The following CASR variants were observed in gnomAD, a reference collection of about 807,000 sequenced individuals.
CASR encodes calcium sensing receptor.
Under a neutral mutation model 69.1 loss-of-function variants are expected in CASR, and 23 were observed. The ratio of observed to expected loss-of-function variants is 0.33; its 90% CI spans 0.24 to 0.47. CASR has a LOEUF of 0.47. Among genes scored for constraint, CASR ranks in the 20% least tolerant of loss-of-function variants. CASR has a pLI of 1.00. For missense variants in CASR, 924 were observed against 1,356.1 expected (o/e 0.68, Z 5.00); for synonymous variants, 541 against 544.7 (o/e 0.99, Z 0.10).
intron 1 of CASR, among the ~76,000 whole-genome samples, chr3:122,185,066 A>G (rs2073764932): frequency 6.6e-6 from 1 of 151,978 alleles, no homozygotes; most frequent in Admixed American, 6.6e-5. Flanking sequence ...ACCAGCCTCC[A>G]TGTGTATTTC....
At chr3:122,252,427 A>AAGAAAGAAAGAC (rs2074503155) in intron 1 of CASR, among the ~76,000 whole-genome samples, 1 of 96,054 alleles carries the variant, frequency 1.0e-5, no homozygotes, top group African/African-American at 4.3e-5. Flanking sequence ...GAAAGAAAGA[A>AAGAAAGAAAGAC]AGAAAGAAAG....
At chr3:122,279,882 T>A (rs1023918383) in intron 5 of CASR, among the ~76,000 whole-genome samples, 1 of 152,186 alleles carries the variant, frequency 6.6e-6, no homozygotes, top group African/African-American at 2.4e-5. Context: ...GGTAGTTTGC[T>A]GCACCTGTCA....
At chr3:122,282,817 C>A (rs1355069160) in intron 6 of CASR, among the ~76,000 whole-genome samples, 1 of 152,164 alleles carries the variant, frequency 6.6e-6, no homozygotes, top group African/African-American at 2.4e-5. Context: ...TATCCTCACC[C>A]CAGTGATGGG....
At chr3:122,270,990 A>G (rs1017714762) in intron 4 of CASR, among the ~76,000 whole-genome samples, 7 of 152,178 alleles carry the variant, frequency 4.6e-5, no homozygotes, top group African/African-American at 1.7e-4. Flanking sequence ...TGTTCTGTAA[A>G]TATCAATTAG....
chr3:122,271,905 A>T (rs1183423852), intron 4 of CASR, among the ~76,000 whole-genome samples: 2 of 152,194 alleles, frequency 1.3e-5, no homozygotes, highest in African/African-American at 4.8e-5. Context: ...AACATGTATC[A>T]GTACTTCATT....
chr3:122,232,148 C>CT (rs1005362552), intron 1 of CASR, among the ~76,000 whole-genome samples: 113 of 152,130 alleles, frequency 7.4e-4, no homozygotes, highest in African/African-American at 2.5e-3. Flanking sequence ...TTCACAATCC[C>CT]TTTTTTTTAT....
intron 1 of CASR, among the ~76,000 whole-genome samples, chr3:122,218,132 G>A (rs765461540): frequency 3.3e-5 from 5 of 152,018 alleles, no homozygotes; most frequent in Non-Finnish European, 5.9e-5. Flanking sequence ...GATTGGAGGG[G>A]GGCCCAAGTG....
intron 4 of CASR, among the ~76,000 whole-genome samples, chr3:122,270,876 T>C (rs1249147985): frequency 6.6e-6 from 1 of 152,230 alleles, no homozygotes; most frequent in Non-Finnish European, 1.5e-5. Flanking sequence ...TTGATTTTAA[T>C]ATTTTTAAAT....
chr3:122,276,054 C>G lies in CASR; in HGVS notation c.1608+12C>G, dbSNP rs565299549. The G allele has an allele frequency of 1.3e-6, 2 of 1,557,374 alleles. No individual in the cohort carries two copies. Among genetic ancestry groups the G allele is most frequent in the Non-Finnish European group, 1.8e-6 (2 of 1,128,382 alleles). Reference sequence around the variant, plus strand: ...GGTTCTCCAGGGAGGTAGGTGCTGTCCATCAGAAAACCAGATGTCTCCACC... The same window carrying G: ...GGTTCTCCAGGGAGGTAGGTGCTGTGCATCAGAAAACCAGATGTCTCCACC... On this transcript the variant is annotated intron_variant, in intron 5 of 6. Transcript: ENST00000639785.
At position 122,291,181 on chromosome 3, in the gene CASR, A is replaced by G. The variant is rs1193477407; in HGVS notation, c.*5990A>G. 1 of 150,466 alleles carries G rather than the reference A, an allele frequency of 6.6e-6. No individual in the cohort carries two copies. The highest frequency in any genetic ancestry group is 1.5e-5 in the Non-Finnish European group (1 of 67,660). The allele number at this position is 150,466 out of a possible 1,614,324, so 9.3% of individuals were successfully genotyped here. On this transcript the variant is annotated 3_prime_UTR_variant, in exon 7 of 7. Transcript: ENST00000639785. Reference sequence around the variant, plus strand: ...TCTTTGCTATTGTGAATAGTGCCACAATAAACATATGTGTGCATGTGTCTT... The same window carrying G: ...TCTTTGCTATTGTGAATAGTGCCACGATAAACATATGTGTGCATGTGTCTT...
In CASR at chr3:122,266,860, C is replaced by T. The variant is rs111437310; in HGVS notation, c.1377+4448C>T. On this transcript the variant is annotated intron_variant, in intron 4 of 6. Transcript: ENST00000639785. ...TCTACTAAAAATACAAAAAATTAGC[C>T]GGGTGTGGTGGCAGGCACCTGTAGT... Among the ~76,000 whole-genome samples the T allele has an allele frequency of 6.9e-3, 1,047 of 152,006 alleles. 11 individuals carry two copies. The highest frequency in any genetic ancestry group is 0.024 in the African/African-American group (994 of 41,462).
chr3:122,206,376 G>T (rs2074007012), intron 1 of CASR, among the ~76,000 whole-genome samples: 2 of 151,824 alleles, frequency 1.3e-5, no homozygotes, highest in South Asian at 4.2e-4. Flanking sequence ...ATGTTTCATG[G>T]TTATTGATTT....
At chr3:122,205,331 A>C (rs2073996583) in intron 1 of CASR, among the ~76,000 whole-genome samples, 1 of 152,088 alleles carries the variant, frequency 6.6e-6, no homozygotes, top group African/African-American at 2.4e-5. Flanking sequence ...TATTGAAGAG[A>C]CTATGATTTC....
intron 1 of CASR, among the ~76,000 whole-genome samples, chr3:122,212,779 T>C (rs2074081751): frequency 6.6e-6 from 1 of 152,044 alleles, no homozygotes; most frequent in African/African-American, 2.4e-5. Context: ...GTAGCTGGGA[T>C]TACAGGCATG....
intron 1 of CASR, among the ~76,000 whole-genome samples, chr3:122,207,557 A>G (rs1312128816): frequency 1.3e-5 from 2 of 152,092 alleles, no homozygotes; most frequent in East Asian, 3.8e-4. Context: ...ATTAAACACT[A>G]TGTTTCTGAA....
Position 122,203,331 on chromosome 3 carries a change from G to A in CASR, c.-243+19519G>A, listed in dbSNP as rs117180536. Among the ~76,000 whole-genome samples, 64 of 152,270 alleles carry A rather than the reference G, an allele frequency of 4.2e-4. 1 individual carries two copies. In the East Asian group the frequency reaches 0.011, roughly 25 times the overall value. On this transcript the variant is annotated intron_variant, in intron 1 of 6. Transcript: ENST00000639785. ...AATGGGGATATGTTCTGAAAAATGCGTTGTTAGGTGATTTCATTATTGTTC... is the reference window on the plus strand; with the variant it reads ...AATGGGGATATGTTCTGAAAAATGCATTGTTAGGTGATTTCATTATTGTTC...
rs771142444 is a variant in CASR at position 122,284,735 on chromosome 3, C to T, written c.2781C>T (p.Pro927=). The change falls in exon 7 of 7, where the codon CCC becomes CCT. Residue 927 remains proline (P), a synonymous_variant. Transcript: ENST00000639785. ...KSNSEDPFPQ[P]ERQKQQQPLA... ...ACAGCGAAGACCCATTCCCACAGCC[C>T]GAGAGGCAGAAGCAGCAGCAGCCGC... is the stretch of plus-strand genomic sequence containing the variant. 2.5e-6 allele frequency: 4 copies of T among 1,614,158 alleles called. No individual in the cohort carries two copies. In the South Asian group the frequency reaches 3.3e-5, roughly 13 times the overall value.
intron 1 of CASR, among the ~76,000 whole-genome samples, chr3:122,228,423 A>G (rs1020878000): frequency 1.3e-5 from 2 of 152,222 alleles, no homozygotes; most frequent in African/African-American, 2.4e-5. Context: ...AGACTATACC[A>G]TCTTTGCACA....
chr3:122,230,737 T>G (rs1048621228), intron 1 of CASR, among the ~76,000 whole-genome samples: 1 of 152,090 alleles, frequency 6.6e-6, no homozygotes, highest in Non-Finnish European at 1.5e-5. Context: ...TACCACTTGG[T>G]CATCTTACAA....
Sources: gnomAD v4.1 joint callset for allele counts (sites outside exome capture counted in the v4.1 genomes callset) on GRCh38, gnomAD v4.1.1 for gene constraint, MANE v1.5 for transcripts, NCBI Gene and HGNC (gene_info 2026-07-23, HGNC 2026-07-21) for gene names.